Variants in THBS4 observed in about 807,000 individuals in gnomAD.
The protein encoded by THBS4 is thrombospondin-4.
A neutral mutation model predicts 115.7 loss-of-function variants in THBS4; 90 were observed. The observed-to-expected ratio is 0.78, with a 90% CI of 0.66 to 0.93. THBS4 has a LOEUF of 0.93. Ranked by LOEUF, THBS4 falls within the 40% of genes least tolerant of loss-of-function variation. The pLI is 0.00. For missense variants in THBS4, 1,087 were observed against 1,232.7 expected, an observed-to-expected ratio of 0.88 and a Z score of 1.77; for synonymous variants, 460 against 479.3, an observed-to-expected ratio of 0.96 and a Z score of 0.53.
chr5:80,029,804 A>AC, intron 2 of THBS4, among the ~76,000 whole-genome samples: 1 of 41,470 alleles, frequency 2.4e-5, no homozygotes, highest in Non-Finnish European at 5.1e-5. Flanking sequence ...CTAAAAATAC[A>AC]AAAAAAAAAA....
intron 2 of THBS4, among the ~76,000 whole-genome samples, chr5:80,047,589 C>T (rs1045450527): frequency 2.0e-5 from 3 of 151,218 alleles, no homozygotes; most frequent in East Asian, 2.0e-4. Flanking sequence ...AGGAGTATCA[C>T]TTGAGCCCAC....
At chr5:80,068,231 C>A in intron 10 of THBS4, 106 bp downstream of exon 10, 1 of 1,382,958 alleles carries the variant, frequency 7.2e-7, no homozygotes, top group Non-Finnish European at 1.0e-6. Flanking sequence ...AAAATGAAAG[C>A]ATTGCAATTA....
In THBS4 at chr5:80,082,635, A is replaced by G. The variant is rs1047542620; in HGVS notation, c.2824+90A>G. Reference sequence around the variant, plus strand: ...TTTTATACCGCACTTCCCCCCCAAAAGCCCAACGCTCATACCACATAGTCA... The same window carrying G: ...TTTTATACCGCACTTCCCCCCCAAAGGCCCAACGCTCATACCACATAGTCA... On this transcript the variant is annotated intron_variant, in intron 21 of 21. Transcript: ENST00000350881. The G allele has an allele frequency of 1.5e-5, 22 of 1,507,854 alleles. No homozygotes were observed. In the African/African-American group the frequency reaches 2.5e-4, roughly 17 times the overall value. The allele number at this position is 1,507,854 out of a possible 1,614,324, so 93.4% of individuals were successfully genotyped here. A position where few individuals can be genotyped will look rare whatever the true frequency, so the allele number is the denominator to read the frequency against.
At chr5:80,080,579 C>CTTTTTTTTTTTTTTTTATTTTTTTTT in intron 20 of THBS4, among the ~76,000 whole-genome samples, 1 of 50,464 alleles carries the variant, frequency 2.0e-5, no homozygotes, top group South Asian at 1.0e-3. Context: ...GCGCTTGTAT[C>CTTTTTTTTTTTTTTTTATTTTTTTTT]TTTTTTTTTT....
intron 2 of THBS4, among the ~76,000 whole-genome samples, chr5:80,054,266 A>C (rs1833350826): frequency 1.4e-5 from 2 of 138,426 alleles, no homozygotes; most frequent in South Asian, 2.3e-4. Flanking sequence ...GCAATCCTCC[A>C]CCTCAGTGTC....
intron 2 of THBS4, among the ~76,000 whole-genome samples, chr5:80,016,511 TGTAACAAATTCAACTGTTTCA>T (rs1267675946): frequency 2.6e-5 from 4 of 152,224 alleles, no homozygotes; most frequent in Non-Finnish European, 5.9e-5. Flanking sequence ...GACAAAATCT[TGTAACAAATTCAACTGTTTCA>T]CTGTATGAAA....
At chr5:80,059,311 C>G (rs1833541844) in intron 5 of THBS4, 129 bp from the exon 6 acceptor site, 2 of 913,650 alleles carry the variant, frequency 2.2e-6, no homozygotes, top group African/African-American at 3.6e-5. Flanking sequence ...GCCTGGGCGA[C>G]AGACTGAGAC....
At chr5:80,061,542 T>C (rs1833634444) in intron 7 of THBS4, among the ~76,000 whole-genome samples, 153 bp from the exon 8 acceptor site, 2 of 152,162 alleles carry the variant, frequency 1.3e-5, no homozygotes, top group Non-Finnish European at 2.9e-5. Flanking sequence ...AGGGATTCAG[T>C]GGGTAACTGG....
rs1364316461 is a variant in THBS4, at chr5:80,040,212, T to A, written c.224T>A (p.Phe75Tyr). Residue 75 changes from phenylalanine (F) to tyrosine (Y), a missense_variant, in exon 2 of 22, where the codon TTC becomes TAC. This residue lies in a region of THBS4 where 979 missense variants were observed against 1,103.7 expected (regional missense o/e 0.89). Transcript: ENST00000350881. ...CAGACTAAAAGTTCAGCCACCATCT[T>A]CGGTCTTTACTCTTCAACTGACAAC... The part of the protein sequence containing the change: ...KLQTKSSATI[F>Y]GLYSSTDNSK... 2 of 1,614,054 alleles carry A rather than the reference T, an allele frequency of 1.2e-6. No individual in the cohort carries two copies. Among genetic ancestry groups the A allele is most frequent in the African/African-American group, 1.3e-5 (1 of 74,920 alleles).
intron 14 of THBS4, 33 bp downstream of exon 14, chr5:80,072,429 G>C (rs772695540): frequency 2.5e-6 from 4 of 1,570,362 alleles, no homozygotes; most frequent in South Asian, 1.1e-5. Flanking sequence ...CAAACTCCAG[G>C]CTGAATTCCT....
intron 1 of THBS4, among the ~76,000 whole-genome samples, chr5:79,991,584 T>C (rs1831673200): frequency 6.6e-6 from 1 of 152,220 alleles, no homozygotes; most frequent in South Asian, 2.1e-4. Flanking sequence ...GTATTTACAA[T>C]GTCGGAGAGA....
intron 20 of THBS4, among the ~76,000 whole-genome samples, chr5:80,080,735 C>T (rs376410784): frequency 3.9e-4 from 59 of 151,746 alleles, no homozygotes; most frequent in African/African-American, 1.3e-3. Flanking sequence ...TACAGGCACG[C>T]GCCATCACGC....
chr5:79,998,322 C>G (rs1052363017), intron 1 of THBS4: 14 of 152,650 alleles, frequency 9.2e-5, no homozygotes, highest in African/African-American at 3.4e-4. Context: ...CTCTCTTCCT[C>G]CTGCTCCAGC....
rs1207189455 is a variant in THBS4 at position 80,058,293 on chromosome 5, C to T, written c.628C>T (p.Pro210Ser). The T allele has an allele frequency of 1.9e-6, 3 of 1,563,120 alleles. No homozygotes were observed. The highest frequency in any genetic ancestry group is 2.6e-6 in the Non-Finnish European group (3 of 1,152,958). Residue 210 changes from proline (P) to serine (S), a missense_variant, in exon 4 of 22, where the codon CCA becomes TCA. This residue lies in a region of THBS4 where 979 missense variants were observed against 1,103.7 expected (regional missense o/e 0.89). Transcript: ENST00000350881. ...LQDCFLQQSEPLAATGTGDFN... is the reference protein window; with the variant it reads ...LQDCFLQQSESLAATGTGDFN... Reference sequence around the variant, plus strand: ...AGACTGCTTCCTGCAGCAGAGTGAGCCACTGGCTGCCACAGGCACAGGTGT... The same window carrying T: ...AGACTGCTTCCTGCAGCAGAGTGAGTCACTGGCTGCCACAGGCACAGGTGT...
At chr5:80,006,210 A>T (rs1474976371) in intron 2 of THBS4, among the ~76,000 whole-genome samples, 1 of 152,098 alleles carries the variant, frequency 6.6e-6, no homozygotes, top group African/African-American at 2.4e-5. Context: ...TTCCCTCTTG[A>T]TATGGTTTGG....
At chr5:80,009,956 G>C (rs886982239) in intron 2 of THBS4, among the ~76,000 whole-genome samples, 2 of 152,062 alleles carry the variant, frequency 1.3e-5, no homozygotes, top group African/African-American at 4.8e-5. Flanking sequence ...AACATAGTGA[G>C]ACCCTGTTTC....
At chr5:80,049,276 C>T (rs1455812964) in intron 2 of THBS4, among the ~76,000 whole-genome samples, 1 of 152,186 alleles carries the variant, frequency 6.6e-6, no homozygotes, top group Non-Finnish European at 1.5e-5. Flanking sequence ...TCACTGAAAT[C>T]GTATTTAATC....
intron 2 of THBS4, among the ~76,000 whole-genome samples, chr5:80,029,175 A>G (rs943323450): frequency 6.6e-6 from 1 of 151,992 alleles, no homozygotes; most frequent in African/African-American, 2.4e-5. Flanking sequence ...AATTCATGTA[A>G]TTTTCGTGTA....
chr5:80,035,544 GC>G lies in THBS4; in HGVS notation c.11del (p.Pro4ArgfsTer17). The G allele has an allele frequency of 7.1e-7, 1 of 1,405,578 alleles. No individual in the cohort carries two copies. The highest frequency in any genetic ancestry group is 1.5e-5 in the South Asian group (1 of 65,026). The allele number at this position is 1,405,578 out of a possible 1,614,324, so 87.1% of individuals were successfully genotyped here. On this transcript the variant is annotated frameshift_variant, in exon 1 of 22. Coordinates refer to ENST00000350881, the MANE Select transcript of THBS4 (RefSeq NM_003248.6). LOFTEE classifies it high-confidence loss of function. This position sits in a 1 kb window ranked among gnomAD's most constrained non-coding sequence, Gnocchi z 4.6. The part of the protein sequence containing the change: ML[A>X]PRGAAVLLLH... ...GGGAGCAGGAAGAGCCAACATGCTG[GC>G]CCCGCGCGGAGCCGCCGTCCTCCTG...
Sources: gnomAD v4.1 joint callset for allele counts (sites outside exome capture counted in the v4.1 genomes callset) on GRCh38, gnomAD v4.1.1 for gene constraint, gnomAD v4.1.1 regional missense constraint, Gnocchi (gnomAD v3.1) non-coding constraint, MANE v1.5 for transcripts, NCBI Gene and HGNC (gene_info 2026-07-23, HGNC 2026-07-21) for gene names.